Variants in EIF4E observed in about 807,000 individuals in gnomAD.
EIF4E encodes eukaryotic translation initiation factor 4E.
For missense variants in EIF4E, 113 were observed against 265.6 expected (o/e 0.43, Z 3.99); for synonymous variants, 71 against 88.5 (o/e 0.80, Z 1.11).
intron 1 of EIF4E, among the ~76,000 whole-genome samples, chr4:98,906,165 C>T (rs1046271591): frequency 3.3e-5 from 5 of 152,170 alleles, no homozygotes; most frequent in African/African-American, 1.2e-4. Flanking sequence ...TTGTGTCCTC[C>T]ATTACCTTCA....
At position 98,908,643 on chromosome 4, in the gene EIF4E, C is replaced by T. The variant is rs183361765; in HGVS notation, c.19-6661G>A. On this transcript the variant is annotated intron_variant, in intron 1 of 6. Transcript: ENST00000450253. The stretch of plus-strand genomic sequence containing the variant: ...GCTTTATGATTTTGAAAAGCTCACA[C>T]CTCATCCAAACTATGAGTTTTTACT... Among the ~76,000 whole-genome samples the T allele has an allele frequency of 5.0e-3, 754 of 152,318 alleles. 7 individuals carry two copies. The highest frequency in any genetic ancestry group is 0.017 in the African/African-American group (717 of 41,572).
intron 2 of EIF4E, chr4:98,895,480 C>G (rs1363932593): frequency 6.6e-6 from 1 of 152,180 alleles, no homozygotes; most frequent in Non-Finnish European, 1.5e-5. Flanking sequence ...ATTTCATTTT[C>G]TCATCAACAC....
rs538640561 is a variant in EIF4E at position 98,884,896 on chromosome 4, A to G, written c.539+26T>C. On this transcript the variant is annotated intron_variant, in intron 6 of 6. Coordinates refer to ENST00000450253, the MANE Select transcript of EIF4E (RefSeq NM_001968.5). ...GTTTTACTCATCTTAATACTGTAAA[A>G]TAAGTAGGCAAAGAGCAAAACTTAC... The G allele has an allele frequency of 6.8e-5, 110 of 1,611,350 alleles. No homozygotes were observed. In the East Asian group the frequency reaches 1.5e-3, roughly 22 times the overall value.
chr4:98,888,059 G>T, intron 3 of EIF4E, 107 bp from the exon 4 acceptor site: 1 of 968,854 alleles, frequency 1.0e-6, no homozygotes, highest in Non-Finnish European at 1.5e-6. Context: ...ACAGATAAAA[G>T]TTCATGTTTA....
At chr4:98,898,694 T>C (rs1333738054) in intron 2 of EIF4E, among the ~76,000 whole-genome samples, 1 of 152,164 alleles carries the variant, frequency 6.6e-6, no homozygotes, top group Non-Finnish European at 1.5e-5. Flanking sequence ...TCTAAACGAA[T>C]AATTTTACAT....
intron 1 of EIF4E, among the ~76,000 whole-genome samples, chr4:98,916,963 C>G (rs1036062450): frequency 1.3e-5 from 2 of 151,896 alleles, no homozygotes; most frequent in Non-Finnish European, 2.9e-5. Context: ...AAATGTTTAC[C>G]ATATATAAAG....
intron 1 of EIF4E, 123 bp from the exon 2 acceptor site, chr4:98,902,105 G>A (rs1449851832): frequency 2.4e-6 from 2 of 829,746 alleles, no homozygotes; most frequent in Non-Finnish European, 3.8e-6. Flanking sequence ...GTCTCTCTCT[G>A]TTGCCCAGGC....
Position 98,887,480 on chromosome 4 carries a change from T to C in EIF4E, c.286-288A>G, listed in dbSNP as rs1175794598. Among the ~76,000 whole-genome samples, 1 of 152,180 alleles carries C rather than the reference T, an allele frequency of 6.6e-6. No homozygotes were observed. Among genetic ancestry groups the C allele is most frequent in the African/African-American group, 2.4e-5 (1 of 41,446 alleles). The stretch of plus-strand genomic sequence containing the variant: ...AAACATATTTTAGAAGCTCTGTACA[T>C]TTCTACAGCTAGAAAATACATGCAA... On this transcript the variant is annotated intron_variant, in intron 4 of 6. Coordinates refer to ENST00000450253, the MANE Select transcript of EIF4E (RefSeq NM_001968.5). This position sits in a 1 kb window ranked among gnomAD's most constrained non-coding sequence, Gnocchi z 4.0.
intron 3 of EIF4E, among the ~76,000 whole-genome samples, chr4:98,888,821 C>A (rs1724029071): frequency 6.6e-6 from 1 of 152,144 alleles, no homozygotes; most frequent in Non-Finnish European, 1.5e-5. Context: ...TATCCTTAGT[C>A]TGGTTCTCCT....
At chr4:98,892,434 T>C (rs1472319370) in intron 2 of EIF4E, among the ~76,000 whole-genome samples, 1 of 150,290 alleles carries the variant, frequency 6.7e-6, no homozygotes, top group Non-Finnish European at 1.5e-5. Context: ...ATCTCAACAC[T>C]TTGGGAGGCT....
intron 1 of EIF4E, chr4:98,909,812 C>T (rs953763051): frequency 4.3e-6 from 3 of 701,164 alleles, no homozygotes; most frequent in Non-Finnish European, 7.8e-6. Flanking sequence ...TGCTTCACCA[C>T]AGGAGTCTTA....
At chr4:98,884,851 T>A in intron 6 of EIF4E, 71 bp downstream of exon 6, 7 of 1,581,756 alleles carry the variant, frequency 4.4e-6, no homozygotes, top group Non-Finnish European at 6.0e-6. Flanking sequence ...TTTCTAAAGC[T>A]ACAAATAAAA....
In EIF4E at chr4:98,881,253, G is replaced by C; in HGVS notation, c.540-111C>G. 2.7e-6 allele frequency: 4 copies of C among 1,475,270 alleles called. No homozygotes were observed. In the South Asian group the frequency reaches 4.0e-5, roughly 15 times the overall value. 91.4% of individuals were successfully genotyped at this position (1,475,270 alleles called of 1,614,324 possible). A position where few individuals can be genotyped will look rare whatever the true frequency, so the allele number is the denominator to read the frequency against. On this transcript the variant is annotated intron_variant, in intron 6 of 6. Transcript: ENST00000450253. ...TCTTTATATTAAAAAACATAGACTT[G>C]AGAATAAAATAGGAAATTAATTATA...
intron 1 of EIF4E, among the ~76,000 whole-genome samples, chr4:98,907,251 A>AAAGT (rs1290728220): frequency 6.6e-6 from 1 of 152,244 alleles, no homozygotes; most frequent in Non-Finnish European, 1.5e-5. Context: ...AAGTCATTTT[A>AAAGT]AAGTAAATTG....
intron 6 of EIF4E, among the ~76,000 whole-genome samples, chr4:98,882,539 T>A (rs891098315): frequency 2.0e-5 from 3 of 152,066 alleles, no homozygotes; most frequent in Non-Finnish European, 4.4e-5. Flanking sequence ...TAGGTTTTTT[T>A]TATACCTTCC....
chr4:98,918,557 T>G (rs1223970496), intron 1 of EIF4E, among the ~76,000 whole-genome samples: 2 of 152,130 alleles, frequency 1.3e-5, no homozygotes, highest in Non-Finnish European at 2.9e-5. Flanking sequence ...TTCAATCCGT[T>G]GTCAAAACAT....
intron 1 of EIF4E, among the ~76,000 whole-genome samples, chr4:98,913,936 CA>C (rs1230707463): frequency 6.6e-6 from 1 of 151,702 alleles, no homozygotes; most frequent in African/African-American, 2.4e-5. Context: ...CAGATATAAC[CA>C]AAAGGTAACA....
chr4:98,926,804 C>T (rs1464441857), intron 1 of EIF4E, among the ~76,000 whole-genome samples: 2 of 152,186 alleles, frequency 1.3e-5, no homozygotes, highest in African/African-American at 2.4e-5. Context: ...TCCTAAAGAA[C>T]ACTTGGTACA....
chr4:98,887,814 T>G lies in EIF4E; in HGVS notation c.285+75A>C, dbSNP rs1579150965. Reference sequence around the variant, plus strand: ...TCACACTATCAAATATTCCTAAGTTTATGGTAAGATTTCTTAATGAATACC... The same window carrying G: ...TCACACTATCAAATATTCCTAAGTTGATGGTAAGATTTCTTAATGAATACC... On this transcript the variant is annotated intron_variant, in intron 4 of 6. Transcript: ENST00000450253. The surrounding 1 kb of genome is among the most constrained non-coding windows in gnomAD (Gnocchi z 4.0). 7.5e-7 allele frequency: 1 copy of G among 1,342,232 alleles called. No individual in the cohort carries two copies. The highest frequency in any genetic ancestry group is 1.2e-5 in the South Asian group (1 of 81,906). 83.1% of individuals were successfully genotyped at this position (1,342,232 alleles called of 1,614,324 possible). A position where few individuals can be genotyped will look rare whatever the true frequency, so the allele number is the denominator to read the frequency against.
Sources: gnomAD v4.1 joint callset for allele counts (sites outside exome capture counted in the v4.1 genomes callset) on GRCh38, gnomAD v4.1.1 for gene constraint, Gnocchi (gnomAD v3.1) non-coding constraint, MANE v1.5 for transcripts, NCBI Gene and HGNC (gene_info 2026-07-23, HGNC 2026-07-21) for gene names.